RTN1: variants seen among roughly 807,000 people sequenced by gnomAD.
RTN1 encodes the protein reticulon 1.
Under a neutral mutation model 65.5 loss-of-function variants are expected in RTN1, and 25 were observed. The ratio of observed to expected loss-of-function variants is 0.38; its 90% CI spans 0.28 to 0.53. The LOEUF (loss-of-function observed/expected upper bound fraction) is 0.53. RTN1 is among the 20% of genes least tolerant of loss of function. RTN1 has a pLI of 0.79. For missense variants in RTN1, 983 were observed against 1,025.4 expected, an observed-to-expected ratio of 0.96 and a Z score of 0.57; for synonymous variants, 471 against 447.6, an observed-to-expected ratio of 1.05 and a Z score of -0.66.
chr14:59,671,608 C>T lies in RTN1; in HGVS notation c.1765+55311G>A, dbSNP rs374886634. ...ACTTGACTACCCTCACAAAGCCCCT[C>T]AGTGGTAGAATCAAGTTTCAGACCC... On this transcript the variant is annotated intron_variant, in intron 3 of 8. Transcript: ENST00000267484. Among the ~76,000 whole-genome samples, 18 of 152,322 alleles carry T rather than the reference C, an allele frequency of 1.2e-4. 2 individuals carry two copies. Among genetic ancestry groups the T allele is most frequent in the Admixed American group, 7.2e-4 (11 of 15,308 alleles).
intron 3 of RTN1, among the ~76,000 whole-genome samples, chr14:59,676,333 G>A (rs761022565): frequency 4.6e-5 from 7 of 152,170 alleles, no homozygotes; most frequent in Non-Finnish European, 7.3e-5. Flanking sequence ...TATATAGCAA[G>A]TGCTACTGTT....
chr14:59,869,590 G>T (rs1021137057), intron 1 of RTN1, among the ~76,000 whole-genome samples: 9 of 122,436 alleles, frequency 7.4e-5, no homozygotes, highest in East Asian at 3.2e-4. Context: ...GGGGGGGGGG[G>T]GGCGCTTAGA....
intron 2 of RTN1, among the ~76,000 whole-genome samples, chr14:59,740,511 G>A (rs1011126149): frequency 1.3e-5 from 2 of 152,176 alleles, no homozygotes; most frequent in Non-Finnish European, 2.9e-5. Context: ...TCTACCTCCA[G>A]TTGAAAACTA....
At chr14:59,864,540 T>G (rs967028370) in intron 1 of RTN1, among the ~76,000 whole-genome samples, 1 of 147,272 alleles carries the variant, frequency 6.8e-6, no homozygotes, top group African/African-American at 2.5e-5. Context: ...TCTCTCCCCT[T>G]GCCCCCACCA....
At chr14:59,665,235 C>T (rs1421655791) in intron 3 of RTN1, among the ~76,000 whole-genome samples, 2 of 152,100 alleles carry the variant, frequency 1.3e-5, no homozygotes, top group Admixed American at 1.3e-4. Context: ...AGACTAACAG[C>T]GGATCTCTCG....
At chr14:59,775,625 A>T (rs1038678129) in intron 1 of RTN1, among the ~76,000 whole-genome samples, 1 of 152,196 alleles carries the variant, frequency 6.6e-6, no homozygotes, top group African/African-American at 2.4e-5. Context: ...CAGATGAGAA[A>T]ATTGAGGCAT....
intron 1 of RTN1, among the ~76,000 whole-genome samples, chr14:59,857,600 T>C (rs1421762902): frequency 2.0e-5 from 3 of 152,224 alleles, no homozygotes; most frequent in African/African-American, 4.8e-5. Context: ...TTTCTTCCCA[T>C]GTACCTCCCT....
In RTN1 at chr14:59,605,365, T is replaced by C. The variant is rs1881709530; in HGVS notation, c.2112+3A>G. The C allele has an allele frequency of 6.2e-7, 1 of 1,613,564 alleles. No individual in the cohort carries two copies. Among genetic ancestry groups the C allele is most frequent in the Non-Finnish European group, 8.5e-7 (1 of 1,179,740 alleles). On this transcript the variant is annotated splice_donor_region_variant and intron_variant, in intron 5 of 8. Transcript: ENST00000267484. ...GTGAAGTGAACAGCTTAAGCAACTATACTTTTAAGGAATCCACCAGGTCCT... is the reference window on the plus strand; with the variant it reads ...GTGAAGTGAACAGCTTAAGCAACTACACTTTTAAGGAATCCACCAGGTCCT...
At chr14:59,819,414 ACCCCCCCCCCACCCCCCACCCC>A (rs561200821) in intron 1 of RTN1, among the ~76,000 whole-genome samples, 3 of 31,846 alleles carry the variant, frequency 9.4e-5, no homozygotes, top group Non-Finnish European at 1.6e-4. Context: ...CACCACCACC[ACCCCCCCCCCACCCCCCACCCC>A]CCCCCCCCGG....
intron 3 of RTN1, among the ~76,000 whole-genome samples, chr14:59,695,822 TTGA>T (rs1199116817): frequency 6.6e-6 from 1 of 151,964 alleles, no homozygotes; most frequent in Non-Finnish European, 1.5e-5. Flanking sequence ...TTGCTATATA[TTGA>T]TATTATATTT....
Position 59,792,318 on chromosome 14 carries a change from A to G in RTN1, c.242-45837T>C, listed in dbSNP as rs58512137. On this transcript the variant is annotated intron_variant, in intron 1 of 8. Transcript: ENST00000267484. ...AGTTTTGCTCTTCAATAGTGAAAAC[A>G]TCAGAGTATCAATTCAGTCTGAGAG... Among the ~76,000 whole-genome samples, 174 of 151,886 alleles carry G rather than the reference A, an allele frequency of 1.1e-3. 1 individual carries two copies. The highest frequency in any genetic ancestry group is 4.1e-3 in the African/African-American group (169 of 41,412).
At position 59,622,917 on chromosome 14, in the gene RTN1, T is replaced by C. The variant is rs571764887; in HGVS notation, c.1766-15425A>G. The stretch of plus-strand genomic sequence containing the variant: ...CCTCACACCTCCTAACTACAACCTA[T>C]ATGACTGTCAAGAGAAAAATGCCAA... On this transcript the variant is annotated intron_variant, in intron 3 of 8. Coordinates refer to ENST00000267484, the MANE Select transcript of RTN1 (RefSeq NM_021136.3). Among the ~76,000 whole-genome samples the C allele has an allele frequency of 7.9e-5, 12 of 152,284 alleles. No individual in the cohort carries two copies. In the South Asian group the frequency reaches 2.1e-3, roughly 26 times the overall value.
intron 3 of RTN1, among the ~76,000 whole-genome samples, chr14:59,669,694 G>T (rs1883460639): frequency 6.6e-6 from 1 of 152,126 alleles, no homozygotes; most frequent in Non-Finnish European, 1.5e-5. Context: ...TAAGTCTAGT[G>T]CCCTGGCACT....
intron 3 of RTN1, among the ~76,000 whole-genome samples, chr14:59,669,508 T>C (rs1566679451): frequency 6.6e-6 from 1 of 152,038 alleles, no homozygotes; most frequent in Admixed American, 6.6e-5. Flanking sequence ...CTAATTTAAA[T>C]GATGAGTTGA....
intron 1 of RTN1, among the ~76,000 whole-genome samples, chr14:59,850,833 G>T (rs1029335107): frequency 6.6e-6 from 1 of 152,072 alleles, no homozygotes; most frequent in Non-Finnish European, 1.5e-5. Context: ...CCATCACATG[G>T]GCACTAAGAA....
chr14:59,660,404 C>T (rs1428886315), intron 3 of RTN1, among the ~76,000 whole-genome samples: 2 of 152,184 alleles, frequency 1.3e-5, no homozygotes, highest in African/African-American at 2.4e-5. Context: ...TAGATATCTA[C>T]AGAACTCTCC....
At chr14:59,862,751 C>T (rs905715832) in intron 1 of RTN1, among the ~76,000 whole-genome samples, 1 of 152,186 alleles carries the variant, frequency 6.6e-6, no homozygotes, top group Non-Finnish European at 1.5e-5. Flanking sequence ...TGATTGGTCT[C>T]ACTTTAAGCT....
At chr14:59,618,003 C>T (rs1222755405) in intron 3 of RTN1, among the ~76,000 whole-genome samples, 5 of 150,462 alleles carry the variant, frequency 3.3e-5, no homozygotes, top group East Asian at 1.9e-4. Context: ...ACTGAAACGG[C>T]CTTTGCAAAA....
chr14:59,804,478 T>C (rs764302636), intron 1 of RTN1, among the ~76,000 whole-genome samples: 2 of 152,196 alleles, frequency 1.3e-5, no homozygotes, highest in Non-Finnish European at 2.9e-5. Context: ...TCTATATTCA[T>C]ATTTGAATCT....
Sources: gnomAD v4.1 joint callset for allele counts (sites outside exome capture counted in the v4.1 genomes callset) on GRCh38, gnomAD v4.1.1 for gene constraint, MANE v1.5 for transcripts, NCBI Gene and HGNC (gene_info 2026-07-23, HGNC 2026-07-21) for gene names.